CAMK1D: variants seen among roughly 807,000 people sequenced by gnomAD.
CAMK1D encodes the protein calcium/calmodulin-dependent protein kinase type 1D.
CAMK1D carries 9 observed loss-of-function variants against 47.7 expected under a neutral mutation model. The ratio of observed to expected loss-of-function variants is 0.19; its 90% CI spans 0.11 to 0.33. The LOEUF is 0.33. CAMK1D is among the 10% of genes least tolerant of loss of function. CAMK1D has a pLI of 1.00. For synonymous variants in CAMK1D, 184 were observed against 184.9 expected (o/e 0.99, Z 0.04); for missense variants, 291 against 488.7 (o/e 0.60, Z 3.81).
At chr10:12,822,184 C>T (rs1158237230) in intron 8 of CAMK1D, among the ~76,000 whole-genome samples, 3 of 152,138 alleles carry the variant, frequency 2.0e-5, no homozygotes, top group African/African-American at 7.2e-5. Context: ...CAGCGCTGTC[C>T]GGATGTTACT....
chr10:12,520,079 C>A (rs1329710076), intron 1 of CAMK1D, among the ~76,000 whole-genome samples: 9 of 84,054 alleles, frequency 1.1e-4, no homozygotes, highest in East Asian at 3.8e-4. Flanking sequence ...GACCCCCCCC[C>A]ACCTCCCTCC....
intron 1 of CAMK1D, among the ~76,000 whole-genome samples, chr10:12,481,153 A>T (rs1588536236): frequency 2.0e-5 from 3 of 152,218 alleles, no homozygotes; most frequent in East Asian, 3.8e-4. Flanking sequence ...TATTCCAGAG[A>T]TCACAAGATT....
At chr10:12,476,787 G>A (rs183187054) in intron 1 of CAMK1D, among the ~76,000 whole-genome samples, 5 of 152,234 alleles carry the variant, frequency 3.3e-5, no homozygotes, top group Admixed American at 3.3e-4. Flanking sequence ...TCTCTTACCA[G>A]CCCTTCATCG....
chr10:12,423,436 G>A (rs1840124103), intron 1 of CAMK1D, among the ~76,000 whole-genome samples: 1 of 152,008 alleles, frequency 6.6e-6, no homozygotes, highest in Non-Finnish European at 1.5e-5. Flanking sequence ...GATCACTTGA[G>A]CCCAGGAGGT....
chr10:12,570,882 C>T (rs551919221), intron 2 of CAMK1D, among the ~76,000 whole-genome samples: 24 of 152,008 alleles, frequency 1.6e-4, no homozygotes, highest in African/African-American at 2.4e-4. Context: ...AACCCAGAGG[C>T]GGAGGTTGTA....
chr10:12,649,440 C>T (rs541852085), intron 2 of CAMK1D, among the ~76,000 whole-genome samples: 2 of 152,302 alleles, frequency 1.3e-5, no homozygotes, highest in Admixed American at 6.5e-5. Flanking sequence ...TCTGCGTCCA[C>T]GGAAATTCCA....
intron 3 of CAMK1D, among the ~76,000 whole-genome samples, chr10:12,687,445 A>G (rs374754013): frequency 1.5e-4 from 23 of 152,274 alleles, no homozygotes; most frequent in East Asian, 9.6e-4. Flanking sequence ...TACGACTTCA[A>G]TATATGATTG....
chr10:12,741,386 G>GC (rs1292732239), intron 3 of CAMK1D, among the ~76,000 whole-genome samples: 1 of 152,234 alleles, frequency 6.6e-6, no homozygotes, highest in East Asian at 1.9e-4. Context: ...TTACAGGACA[G>GC]CCAGAAAGGC....
chr10:12,652,412 A>G (rs2132514629), intron 2 of CAMK1D, among the ~76,000 whole-genome samples: 1 of 126,310 alleles, frequency 7.9e-6, no homozygotes. Context: ...AAACCCCGTC[A>G]CTACTAAAAA....
chr10:12,646,791 T>A (rs1447763531), intron 2 of CAMK1D, among the ~76,000 whole-genome samples: 1 of 152,160 alleles, frequency 6.6e-6, no homozygotes, highest in African/African-American at 2.4e-5. Flanking sequence ...CTAAAAACTC[T>A]TTATCGTTCA....
At chr10:12,691,563 G>A (rs2130669175) in intron 3 of CAMK1D, among the ~76,000 whole-genome samples, 1 of 150,366 alleles carries the variant, frequency 6.7e-6, no homozygotes, top group South Asian at 2.1e-4. Context: ...CTCCCAAGTA[G>A]CTGGGATTAC....
intron 1 of CAMK1D, among the ~76,000 whole-genome samples, chr10:12,467,779 T>C (rs182756964): frequency 5.0e-4 from 76 of 152,316 alleles, no homozygotes; most frequent in African/African-American, 1.8e-3. Flanking sequence ...GCTGGGTTTG[T>C]GTAATCATTT....
At chr10:12,369,572 T>G (rs929171099) in intron 1 of CAMK1D, among the ~76,000 whole-genome samples, 1 of 152,154 alleles carries the variant, frequency 6.6e-6, no homozygotes, top group African/African-American at 2.4e-5. Flanking sequence ...TACATAGCAT[T>G]GCTCAGTGAG....
intron 2 of CAMK1D, among the ~76,000 whole-genome samples, chr10:12,612,126 C>G (rs571313604): frequency 2.1e-4 from 32 of 152,290 alleles, no homozygotes; most frequent in African/African-American, 7.7e-4. Flanking sequence ...CTCTCTTTCT[C>G]TGGGACCTTA....
chr10:12,551,928 T>G (rs907195234), intron 1 of CAMK1D, among the ~76,000 whole-genome samples: 1 of 152,042 alleles, frequency 6.6e-6, no homozygotes, highest in African/African-American at 2.4e-5. Context: ...GGGCTTCCAG[T>G]GGTTTCTCTG....
At chr10:12,370,613 T>C (rs1337307045) in intron 1 of CAMK1D, among the ~76,000 whole-genome samples, 1 of 152,020 alleles carries the variant, frequency 6.6e-6, no homozygotes, top group Non-Finnish European at 1.5e-5. Flanking sequence ...TGTGTTTGTG[T>C]TCTTTGTTTT....
intron 1 of CAMK1D, among the ~76,000 whole-genome samples, chr10:12,404,820 C>T (rs1839358349): frequency 6.6e-6 from 1 of 151,610 alleles, no homozygotes; most frequent in African/African-American, 2.4e-5. Flanking sequence ...TCACGAGAAG[C>T]TGGGACTGCA....
chr10:12,821,650 A>G (rs1833015300), intron 8 of CAMK1D, among the ~76,000 whole-genome samples: 1 of 152,242 alleles, frequency 6.6e-6, no homozygotes, highest in African/African-American at 2.4e-5. Context: ...GATTACGTAA[A>G]TGCTATCTGC....
intron 1 of CAMK1D, among the ~76,000 whole-genome samples, chr10:12,434,005 C>G (rs908272617): frequency 6.6e-6 from 1 of 152,146 alleles, no homozygotes; most frequent in South Asian, 2.1e-4. Flanking sequence ...GGGTCTTGCT[C>G]TATTACCCAG....
Sources: allele counts gnomAD v4.1 joint callset (sites outside exome capture counted in the v4.1 genomes callset), GRCh38; gene constraint gnomAD v4.1.1; transcripts MANE v1.5; gene names NCBI Gene and HGNC (gene_info 2026-07-23, HGNC 2026-07-21).